ACSBG2: variants seen among roughly 807,000 people sequenced by gnomAD.
ACSBG2 encodes the protein long-chain-fatty-acid--CoA ligase ACSBG2.
ACSBG2 carries 62 observed loss-of-function variants against 74.7 expected under a neutral mutation model. The ratio of observed to expected loss-of-function variants is 0.83; its 90% CI spans 0.68 to 1.03. The LOEUF (loss-of-function observed/expected upper bound fraction) is 1.03, where lower values mean the gene tolerates loss of function less well. ACSBG2 is among the 50% of genes least tolerant of loss of function. The pLI is 0.00. For synonymous variants in ACSBG2, 309 were observed against 294.1 expected, an observed-to-expected ratio of 1.05 and a Z score of -0.52; for missense variants, 730 against 817.6, an observed-to-expected ratio of 0.89 and a Z score of 1.31.
intron 3 of ACSBG2, 116 bp downstream of exon 3, chr19:6,147,791 C>A: frequency 1.8e-6 from 2 of 1,102,718 alleles, no homozygotes; most frequent in Non-Finnish European, 1.3e-6. Flanking sequence ...GGTTAATTGG[C>A]GAAAATTTCC....
intron 7 of ACSBG2, chr19:6,176,201 T>A: frequency 2.1e-6 from 2 of 937,674 alleles, no homozygotes; most frequent in Middle Eastern, 4.8e-4. Flanking sequence ...ATCTGTCGAA[T>A]GATTAACAAC....
At chr19:6,157,789 T>G (rs1052469635) in intron 5 of ACSBG2, among the ~76,000 whole-genome samples, 3 of 152,090 alleles carry the variant, frequency 2.0e-5, no homozygotes, top group African/African-American at 7.2e-5. Flanking sequence ...GCTAATTATT[T>G]TTTCTTTTAG....
intron 2 of ACSBG2, among the ~76,000 whole-genome samples, chr19:6,145,348 A>C (rs1600004776): frequency 6.6e-6 from 1 of 151,320 alleles, no homozygotes; most frequent in South Asian, 2.1e-4. Context: ...GTGAGCTCGC[A>C]TGATCCCAGG....
At chr19:6,165,759 C>G (rs2089773909) in intron 6 of ACSBG2, 107 bp from the exon 7 acceptor site, 1 of 1,378,770 alleles carries the variant, frequency 7.3e-7, no homozygotes, top group African/African-American at 1.4e-5. Context: ...TAAGCCCTTC[C>G]ACCTGCTGAG....
chr19:6,183,623 G>C (rs1201514697), intron 10 of ACSBG2, among the ~76,000 whole-genome samples: 4 of 152,064 alleles, frequency 2.6e-5, no homozygotes, highest in Non-Finnish European at 5.9e-5. Context: ...CCCAAGCTCA[G>C]CTTGCCCTAG....
intron 1 of ACSBG2, among the ~76,000 whole-genome samples, chr19:6,140,748 A>AT (rs2088795057): frequency 1.3e-5 from 2 of 152,188 alleles, no homozygotes; most frequent in South Asian, 4.1e-4. Context: ...ACCACGATGA[A>AT]TGAGAGCACC....
chr19:6,160,912 CA>C (rs1882279106), intron 5 of ACSBG2, among the ~76,000 whole-genome samples: 1 of 152,080 alleles, frequency 6.6e-6, no homozygotes, highest in Non-Finnish European at 1.5e-5. Context: ...CCAGCCTGGC[CA>C]ATACGGTGAA....
At chr19:6,165,127 C>G (rs1029389342) in intron 6 of ACSBG2, among the ~76,000 whole-genome samples, 3 of 152,198 alleles carry the variant, frequency 2.0e-5, no homozygotes, top group Non-Finnish European at 4.4e-5. Flanking sequence ...CAGTTCAGGG[C>G]GTGGATTTCA....
intron 8 of ACSBG2, among the ~76,000 whole-genome samples, chr19:6,181,821 C>G (rs867218197): frequency 4.1e-5 from 5 of 122,828 alleles, no homozygotes; most frequent in African/African-American, 9.7e-5. Flanking sequence ...CCGCCCCCCC[C>G]CCCAACGAAA....
intron 11 of ACSBG2, among the ~76,000 whole-genome samples, chr19:6,186,641 A>G (rs930428310): frequency 6.6e-6 from 1 of 152,218 alleles, no homozygotes; most frequent in African/African-American, 2.4e-5. Context: ...GCATGGCTGG[A>G]TCTGGGTGCC....
intron 7 of ACSBG2, chr19:6,176,325 G>C: frequency 7.1e-7 from 1 of 1,414,602 alleles, no homozygotes; most frequent in Non-Finnish European, 9.2e-7. Context: ...AATCTTTATG[G>C]GTACCCAGAT....
chr19:6,166,560 G>A (rs776028981), intron 7 of ACSBG2, among the ~76,000 whole-genome samples: 3 of 151,022 alleles, frequency 2.0e-5, no homozygotes, highest in South Asian at 2.1e-4. Flanking sequence ...GTGATCCACC[G>A]CCTTGGCCTC....
intron 13 of ACSBG2, 151 bp from the exon 14 acceptor site, chr19:6,190,433 C>T: frequency 7.9e-6 from 5 of 632,190 alleles, no homozygotes; most frequent in South Asian, 7.0e-5. Flanking sequence ...CATCCCCATA[C>T]AGATGGCAAA....
chr19:6,183,373 C>A, intron 10 of ACSBG2, 101 bp downstream of exon 10: 1 of 958,742 alleles, frequency 1.0e-6, no homozygotes, highest in Non-Finnish European at 1.6e-6. Flanking sequence ...GGAATCCTGA[C>A]GTGGTGTCTC....
chr19:6,155,789 C>CAAAA (rs35539453), intron 4 of ACSBG2, among the ~76,000 whole-genome samples: 4 of 123,612 alleles, frequency 3.2e-5, no homozygotes, highest in Non-Finnish European at 3.4e-5. Flanking sequence ...GACCCTGTCT[C>CAAAA]AAAAAAAAAA....
intron 8 of ACSBG2, among the ~76,000 whole-genome samples, chr19:6,178,269 G>A (rs1229261888): frequency 1.3e-5 from 2 of 151,944 alleles, no homozygotes; most frequent in African/African-American, 4.8e-5. Context: ...GAATTAAGTT[G>A]CCTTTCTTTT....
chr19:6,184,872 A>AAAAAAAAAAAC (rs2090361702), intron 10 of ACSBG2, among the ~76,000 whole-genome samples: 1 of 116,868 alleles, frequency 8.6e-6, no homozygotes, highest in African/African-American at 3.4e-5. Flanking sequence ...AAAAAAAAAA[A>AAAAAAAAAAAC]CGAAAAACAG....
intron 5 of ACSBG2, among the ~76,000 whole-genome samples, chr19:6,158,547 A>T (rs1452238333): frequency 6.6e-6 from 1 of 151,390 alleles, no homozygotes; most frequent in East Asian, 1.9e-4. Flanking sequence ...TTTTGGCAGG[A>T]GGGTCCTGGA....
intron 8 of ACSBG2, among the ~76,000 whole-genome samples, chr19:6,179,961 A>G (rs12976022): frequency 1.3e-5 from 2 of 152,090 alleles, no homozygotes; most frequent in African/African-American, 2.4e-5. Context: ...AAATGGTCTC[A>G]CTGGGCTAAA....
Sources: gnomAD v4.1 joint callset for allele counts (sites outside exome capture counted in the v4.1 genomes callset) on GRCh38, gnomAD v4.1.1 for gene constraint, MANE v1.5 for transcripts, NCBI Gene and HGNC (gene_info 2026-07-23, HGNC 2026-07-21) for gene names.